DHRS7B: variants seen among roughly 807,000 people sequenced by gnomAD.
DHRS7B encodes peroxisomal reductase activating PPAR-gamma.
DHRS7B carries 24 observed loss-of-function variants against 26.4 expected under a neutral mutation model. The ratio of observed to expected loss-of-function variants is 0.91; its 90% confidence interval spans 0.66 to 1.28. DHRS7B has a LOEUF of 1.28. DHRS7B is among the 50% of genes most tolerant of loss of function. DHRS7B has a pLI of 0.00. For missense variants in DHRS7B, 368 were observed against 419.4 expected (o/e 0.88, Z 1.07); for synonymous variants, 142 against 166.4 (o/e 0.85, Z 1.13).
rs370861401 is a variant in DHRS7B, at chr17:21,138,101, T to TACACAC, written c.20+11136_20+11141dup. On this transcript the variant is annotated intron_variant, in intron 1 of 6. Transcript: ENST00000395511. ...ATATATATATATATATATATATATA[T>TACACAC]ACACACACACACACACACACACACA... Among the ~76,000 whole-genome samples the TACACAC allele has an allele frequency of 5.0e-4, 43 of 86,110 alleles. 1 individual carries two copies. The highest frequency in any genetic ancestry group is 7.1e-3 in the Middle Eastern group (1 of 140). 56.5% of individuals were successfully genotyped at this position (86,110 alleles called of 152,430 possible). A position where few individuals can be genotyped will look rare whatever the true frequency, so the allele number is the denominator to read the frequency against.
intron 6 of DHRS7B, among the ~76,000 whole-genome samples, chr17:21,189,078 G>T (rs1974717832): frequency 6.6e-6 from 1 of 152,178 alleles, no homozygotes; most frequent in South Asian, 2.1e-4. Context: ...CGTCACCATT[G>T]CAGCATTCAG....
intron 1 of DHRS7B, among the ~76,000 whole-genome samples, chr17:21,130,033 G>T (rs1264319084): frequency 3.3e-5 from 5 of 152,190 alleles, no homozygotes; most frequent in African/African-American, 1.2e-4. Context: ...AGTAGTTGAG[G>T]TGCCTAGGCT....
intron 1 of DHRS7B, among the ~76,000 whole-genome samples, chr17:21,156,911 C>A (rs1212429843): frequency 7.9e-4 from 110 of 139,482 alleles, no homozygotes; most frequent in Middle Eastern, 3.7e-3. Flanking sequence ...AATTCTGTCT[C>A]AAAAAAAAAA....
At position 21,191,419 on chromosome 17, in the gene DHRS7B, A is replaced by G; in HGVS notation, c.*266A>G. 1 of 457,422 alleles carries G rather than the reference A, an allele frequency of 2.2e-6. No homozygotes were observed. Among genetic ancestry groups the G allele is most frequent in the South Asian group, 2.4e-5 (1 of 42,462 alleles). 28.3% of individuals were successfully genotyped at this position (457,422 alleles called of 1,614,324 possible). Reference sequence around the variant, plus strand: ...ACTAGAAATAAACATCTCAAACAGTAAGAGTTGTAGTCTTCCAGGACTAGA... The same window carrying G: ...ACTAGAAATAAACATCTCAAACAGTGAGAGTTGTAGTCTTCCAGGACTAGA... On this transcript the variant is annotated 3_prime_UTR_variant, in exon 7 of 7. Coordinates refer to ENST00000395511, the MANE Select transcript of DHRS7B (RefSeq NM_015510.5).
chr17:21,132,176 C>T (rs1007270940), intron 1 of DHRS7B, among the ~76,000 whole-genome samples: 1 of 151,764 alleles, frequency 6.6e-6, no homozygotes, highest in African/African-American at 2.4e-5. Context: ...TATTTGTGGA[C>T]AGAAACAGCA....
At chr17:21,131,412 T>C (rs1377267940) in intron 1 of DHRS7B, among the ~76,000 whole-genome samples, 3 of 152,254 alleles carry the variant, frequency 2.0e-5, no homozygotes, top group Non-Finnish European at 4.4e-5. Flanking sequence ...TAAACTGTTA[T>C]GGTGCTGGTA....
At chr17:21,184,007 T>C (rs1413119083) in intron 4 of DHRS7B, among the ~76,000 whole-genome samples, 197 bp downstream of exon 4, 1 of 152,202 alleles carries the variant, frequency 6.6e-6, no homozygotes, top group Non-Finnish European at 1.5e-5. Flanking sequence ...ACAGCCACAT[T>C]TGTGCAGCAT....
intron 1 of DHRS7B, among the ~76,000 whole-genome samples, chr17:21,158,525 G>C (rs1434013519): frequency 6.6e-6 from 1 of 152,120 alleles, no homozygotes; most frequent in South Asian, 2.1e-4. Flanking sequence ...TTTTTAATGA[G>C]GCAGACTATA....
At chr17:21,188,036 G>T (rs1285062686) in intron 5 of DHRS7B, among the ~76,000 whole-genome samples, 1 of 151,996 alleles carries the variant, frequency 6.6e-6, no homozygotes, top group East Asian at 1.9e-4. Flanking sequence ...ATATTTAGTA[G>T]AGACGGGGTT....
chr17:21,126,998 G>C lies in DHRS7B; in HGVS notation c.20+7G>C. The C allele has an allele frequency of 6.6e-7, 1 of 1,521,198 alleles. No individual in the cohort carries two copies. The highest frequency in any genetic ancestry group is 1.2e-5 in the South Asian group (1 of 81,650). The allele number at this position is 1,521,198 out of a possible 1,614,324, so 94.2% of individuals were successfully genotyped here. On this transcript the variant is annotated splice_region_variant and intron_variant, in intron 1 of 6. Transcript: ENST00000395511. ...TGGTCTCTCCGGCTACCAGGTAGGG[G>C]CTGGGGAAGAAGGAACCTCCGAGAT... is the stretch of plus-strand genomic sequence containing the variant.
intron 1 of DHRS7B, among the ~76,000 whole-genome samples, chr17:21,160,779 A>G (rs916424621): frequency 1.3e-5 from 2 of 152,240 alleles, no homozygotes; most frequent in Non-Finnish European, 2.9e-5. Flanking sequence ...ACAGATGTTT[A>G]TAGCAGCTTT....
chr17:21,153,787 G>A (rs1973822570), intron 1 of DHRS7B, among the ~76,000 whole-genome samples: 2 of 152,092 alleles, frequency 1.3e-5, no homozygotes, highest in South Asian at 4.1e-4. Context: ...GAGCACTCAT[G>A]ACTCAATCAC....
intron 1 of DHRS7B, among the ~76,000 whole-genome samples, chr17:21,130,494 T>A (rs1246211340): frequency 6.6e-6 from 1 of 152,166 alleles, no homozygotes; most frequent in Non-Finnish European, 1.5e-5. Flanking sequence ...GGTTTTACTG[T>A]ATTTACTGGG....
chr17:21,190,854 C>T, intron 6 of DHRS7B, 94 bp from the exon 7 acceptor site: 2 of 1,295,926 alleles, frequency 1.5e-6, no homozygotes, highest in Non-Finnish European at 2.2e-6. Context: ...GTGGGAAAGG[C>T]AGCAGGCTGA....
At chr17:21,163,543 C>T (rs1401728087) in intron 1 of DHRS7B, among the ~76,000 whole-genome samples, 1 of 152,154 alleles carries the variant, frequency 6.6e-6, no homozygotes, top group African/African-American at 2.4e-5. Context: ...TGTTATAAGG[C>T]ATTTTAGTGG....
intron 6 of DHRS7B, among the ~76,000 whole-genome samples, 187 bp from the exon 7 acceptor site, chr17:21,190,761 A>G (rs1974758488): frequency 1.3e-5 from 2 of 152,160 alleles, no homozygotes; most frequent in African/African-American, 4.8e-5. Context: ...CAGCTGCAAA[A>G]TGGTTCCCTC....
chr17:21,168,691 T>G (rs1019676949), intron 1 of DHRS7B: 1 of 984,990 alleles, frequency 1.0e-6, no homozygotes, highest in Non-Finnish European at 1.2e-6. Context: ...TTTAATTTGC[T>G]TTGCATTCTG....
chr17:21,127,027 G>T, intron 1 of DHRS7B, 36 bp downstream of exon 1: 1 of 1,511,450 alleles, frequency 6.6e-7, no homozygotes, highest in Non-Finnish European at 8.8e-7. Flanking sequence ...CCGAGATGAG[G>T]CGATAGGGTC....
intron 3 of DHRS7B, 42 bp downstream of exon 3, chr17:21,178,384 C>T (rs775760613): frequency 3.2e-6 from 5 of 1,546,972 alleles, no homozygotes; most frequent in African/African-American, 2.7e-5. Context: ...GAGTGCAGGC[C>T]GTCTTCTGTA....
Sources: allele counts gnomAD v4.1 joint callset (sites outside exome capture counted in the v4.1 genomes callset), GRCh38; gene constraint gnomAD v4.1.1; transcripts MANE v1.5; gene names NCBI Gene and HGNC (gene_info 2026-07-23, HGNC 2026-07-21).